RIMS2: variants seen among roughly 807,000 people sequenced by gnomAD.
RIMS2 encodes the protein regulating synaptic membrane exocytosis 2.
Under a neutral mutation model 174.4 loss-of-function variants are expected in RIMS2, and 59 were observed. The observed-to-expected ratio is 0.34, with a 90% CI of 0.27 to 0.42. RIMS2 has a LOEUF of 0.42. Ranked by LOEUF, RIMS2 falls within the 10% of genes least tolerant of loss-of-function variation. The probability of loss-of-function intolerance (pLI) is 1.00; values close to 1 mark genes in which losing one functional copy is unlikely to be tolerated. For synonymous variants in RIMS2, 606 were observed against 572.5 expected (o/e 1.06, Z -0.84); for missense variants, 1,620 against 1,666.3 (o/e 0.97, Z 0.48).
At chr8:103,835,104 T>C (rs1446068260) in intron 3 of RIMS2, among the ~76,000 whole-genome samples, 5 of 96,364 alleles carry the variant, frequency 5.2e-5, no homozygotes, top group Non-Finnish European at 1.1e-4. Flanking sequence ...TTTTCTTTTC[T>C]TTTTTTTTTT....
chr8:103,587,470 A>G (rs1019623123), intron 1 of RIMS2, among the ~76,000 whole-genome samples: 1 of 98,142 alleles, frequency 1.0e-5, no homozygotes, highest in Admixed American at 1.0e-4. Flanking sequence ...GAAAGAAAGA[A>G]ACTATGCACC....
At chr8:103,817,249 C>T (rs1429365185) in intron 3 of RIMS2, among the ~76,000 whole-genome samples, 1 of 152,150 alleles carries the variant, frequency 6.6e-6, no homozygotes, top group African/African-American at 2.4e-5. Flanking sequence ...TTTGCTCTAA[C>T]TAAAATACCC....
At chr8:104,039,910 T>C (rs2096580671) in intron 19 of RIMS2, among the ~76,000 whole-genome samples, 1 of 151,660 alleles carries the variant, frequency 6.6e-6, no homozygotes, top group African/African-American at 2.4e-5. Context: ...TTAATTGTGA[T>C]GAGATTTAAT....
chr8:104,041,525 C>A (rs1033440389), intron 19 of RIMS2, among the ~76,000 whole-genome samples, 167 bp downstream of exon 22: 3 of 151,560 alleles, frequency 2.0e-5, no homozygotes, highest in Non-Finnish European at 3.0e-5. Flanking sequence ...CAACTATCAA[C>A]AGCAACTGCT....
intron 19 of RIMS2, among the ~76,000 whole-genome samples, chr8:104,058,744 T>C (rs936794350): frequency 4.6e-5 from 7 of 152,228 alleles, no homozygotes; most frequent in Non-Finnish European, 1.0e-4. Context: ...TTAATTTTTG[T>C]ATAAGGCGTA....
At chr8:103,969,319 C>T (rs572994412) in intron 15 of RIMS2, among the ~76,000 whole-genome samples, 1 of 152,172 alleles carries the variant, frequency 6.6e-6, no homozygotes, top group Non-Finnish European at 1.5e-5. Flanking sequence ...CTGGTATTCT[C>T]ATTACAAATA....
intron 3 of RIMS2, among the ~76,000 whole-genome samples, chr8:103,802,034 A>G (rs937600388): frequency 7.2e-5 from 11 of 152,206 alleles, no homozygotes; most frequent in African/African-American, 2.4e-4. Flanking sequence ...TTTAGTAGTA[A>G]AATTACAATC....
intron 19 of RIMS2, among the ~76,000 whole-genome samples, chr8:104,108,975 A>T (rs552764528): frequency 3.3e-4 from 51 of 152,262 alleles, no homozygotes; most frequent in Admixed American, 2.9e-3. Flanking sequence ...ACTCATAGTA[A>T]GCATACAATG....
At chr8:103,696,639 G>A (rs916145431) in intron 1 of RIMS2, among the ~76,000 whole-genome samples, 1 of 151,920 alleles carries the variant, frequency 6.6e-6, no homozygotes, top group African/African-American at 2.4e-5. Flanking sequence ...AGCCGAGGCA[G>A]GCGAATCCCT....
intron 19 of RIMS2, among the ~76,000 whole-genome samples, chr8:104,231,575 A>C (rs928440135): frequency 1.3e-5 from 2 of 152,194 alleles, no homozygotes; most frequent in African/African-American, 4.8e-5. Flanking sequence ...TAGACAGAGG[A>C]AAAACTGTGT....
intron 3 of RIMS2, among the ~76,000 whole-genome samples, chr8:103,795,608 G>GA (rs544643238): frequency 3.5e-4 from 53 of 151,256 alleles, no homozygotes; most frequent in Non-Finnish European, 4.4e-4. Context: ...GAAGTACAAA[G>GA]AAAAAAAAGA....
intron 1 of RIMS2, among the ~76,000 whole-genome samples, chr8:103,605,713 C>T (rs1294119349): frequency 6.6e-6 from 1 of 152,130 alleles, no homozygotes; most frequent in Non-Finnish European, 1.5e-5. Flanking sequence ...TCAACTTCTT[C>T]CTGGTTTAGT....
intron 19 of RIMS2, among the ~76,000 whole-genome samples, chr8:104,166,108 C>T (rs1343405818): frequency 2.1e-5 from 3 of 144,460 alleles, no homozygotes; most frequent in African/African-American, 7.8e-5. Context: ...GCTCTGTCGC[C>T]CAGGCTGGAG....
intron 1 of RIMS2, among the ~76,000 whole-genome samples, chr8:103,684,492 A>G (rs2096915914): frequency 6.6e-6 from 1 of 151,588 alleles, no homozygotes; most frequent in Non-Finnish European, 1.5e-5. Context: ...ACACAGCTAC[A>G]CTCATTCATT....
At chr8:104,042,356 C>T (rs2096623774) in intron 19 of RIMS2, among the ~76,000 whole-genome samples, 1 of 151,468 alleles carries the variant, frequency 6.6e-6, no homozygotes, top group Non-Finnish European at 1.5e-5. Flanking sequence ...GTTACTGACA[C>T]ATATAAAGCA....
chr8:104,180,345 G>A (rs927275484), intron 19 of RIMS2, among the ~76,000 whole-genome samples: 1 of 149,876 alleles, frequency 6.7e-6, no homozygotes, highest in Non-Finnish European at 1.5e-5. Flanking sequence ...TGCTAGTGTA[G>A]TATTTTCTTA....
chr8:103,613,567 C>T (rs1289711088), intron 1 of RIMS2, among the ~76,000 whole-genome samples: 1 of 152,168 alleles, frequency 6.6e-6, no homozygotes, highest in East Asian at 1.9e-4. Flanking sequence ...GGACTGGTAC[C>T]TAAGATGCAA....
intron 15 of RIMS2, among the ~76,000 whole-genome samples, chr8:103,968,988 T>C (rs1012447670): frequency 1.1e-4 from 16 of 152,148 alleles, no homozygotes; most frequent in Admixed American, 9.2e-4. Flanking sequence ...CCTAGGATTC[T>C]AGGTTGGTGG....
chr8:104,103,660 C>A (rs1174994100), intron 19 of RIMS2, among the ~76,000 whole-genome samples: 1 of 150,224 alleles, frequency 6.7e-6, no homozygotes, highest in Non-Finnish European at 1.5e-5. Context: ...AAAACACAGA[C>A]CTTATGCTCA....
Sources: gnomAD v4.1 joint callset for allele counts (sites outside exome capture counted in the v4.1 genomes callset) on GRCh38, gnomAD v4.1.1 for gene constraint, MANE v1.5 for transcripts, NCBI Gene and HGNC (gene_info 2026-07-23, HGNC 2026-07-21) for gene names.